HK1: variants seen among roughly 807,000 people sequenced by gnomAD.
HK1 encodes hexokinase 1, also known as hexokinase-1.
In HK1, 28 loss-of-function variants were observed where a neutral mutation model predicts 91.6. The observed-to-expected ratio is 0.31, with a 90% CI of 0.23 to 0.42. HK1 has a LOEUF of 0.42. Ranked by LOEUF, HK1 falls within the 10% of genes least tolerant of loss-of-function variation. HK1 has a pLI of 1.00. For synonymous variants in HK1, 430 were observed against 468.1 expected (o/e 0.92, Z 1.05); for missense variants, 770 against 1,219.8 (o/e 0.63, Z 5.49).
upstream of HK1, chr10:69,318,839 A>C (rs1589474913): frequency 7.3e-7 from 1 of 1,364,970 alleles, no homozygotes. Context: ...GAGCCGGGGG[A>C]GGAGGAGGAG....
At chr10:69,325,207 A>G (rs1313842807) in intron 1 of HK1, among the ~76,000 whole-genome samples, 2 of 140,086 alleles carry the variant, frequency 1.4e-5, no homozygotes, top group South Asian at 4.6e-4. Flanking sequence ...GCCTGCCACC[A>G]CTCCCGTCTA....
At chr10:69,384,531 C>T in intron 11 of HK1, 50 bp downstream of exon 11, 1 of 1,610,716 alleles carries the variant, frequency 6.2e-7, no homozygotes, top group Non-Finnish European at 8.5e-7. Context: ...CGGCCAGTGG[C>T]ACCGGCAGTC....
chr10:69,327,000 CTTT>C (rs1042738695), intron 1 of HK1, among the ~76,000 whole-genome samples: 43 of 110,926 alleles, frequency 3.9e-4, no homozygotes, highest in African/African-American at 1.3e-3. Context: ...TGGTTTTAAA[CTTT>C]TTTTTTTTTT....
chr10:69,286,832 G>A (rs1845054977), intron 2 of HK1, among the ~76,000 whole-genome samples: 1 of 152,168 alleles, frequency 6.6e-6, no homozygotes, highest in Admixed American at 6.5e-5. Flanking sequence ...ACAGGCATGG[G>A]CCACCTCATG....
chr10:69,367,044 C>G (rs1849741230), intron 4 of HK1, among the ~76,000 whole-genome samples: 1 of 152,144 alleles, frequency 6.6e-6, no homozygotes, highest in Non-Finnish European at 1.5e-5. Context: ...AGCCTGTTCC[C>G]CATGAAGGTG....
intron 1 of HK1, among the ~76,000 whole-genome samples, chr10:69,273,459 G>A (rs539927631): frequency 4.6e-5 from 7 of 152,170 alleles, no homozygotes; most frequent in African/African-American, 7.2e-5. Flanking sequence ...ATCATGATCC[G>A]CCCACCTCGG....
chr10:69,329,845 G>A (rs1847607360), intron 1 of HK1, among the ~76,000 whole-genome samples: 1 of 151,698 alleles, frequency 6.6e-6, no homozygotes, highest in African/African-American at 2.4e-5. Flanking sequence ...GCCTGTGCCT[G>A]CTGCCTCACC....
intron 1 of HK1, among the ~76,000 whole-genome samples, chr10:69,337,673 C>T (rs550169203): frequency 4.0e-4 from 61 of 152,328 alleles, no homozygotes; most frequent in Non-Finnish European, 2.2e-4. Context: ...TCAGGGTGCA[C>T]GCCACAATTT....
chr10:69,301,674 T>C (rs2132502133), intron 5 of HK1, among the ~76,000 whole-genome samples: 1 of 152,154 alleles, frequency 6.6e-6, no homozygotes, highest in African/African-American at 2.4e-5. Flanking sequence ...TATAGACTTT[T>C]ACTCTGAAAA....
At chr10:69,330,414 T>C (rs1564517433) in intron 1 of HK1, among the ~76,000 whole-genome samples, 1 of 152,062 alleles carries the variant, frequency 6.6e-6, no homozygotes, top group Non-Finnish European at 1.5e-5. Flanking sequence ...TCCCAGGAAG[T>C]GGAATTCATG....
chr10:69,352,218 C>A (rs564342027), intron 2 of HK1, among the ~76,000 whole-genome samples: 2 of 152,196 alleles, frequency 1.3e-5, no homozygotes, highest in South Asian at 4.1e-4. Flanking sequence ...GTCTCGAACT[C>A]CTGACCTCAA....
intron 5 of HK1, chr10:69,300,966 C>T: frequency 1.5e-6 from 1 of 679,686 alleles, no homozygotes; most frequent in East Asian, 3.2e-5. Context: ...CAATTGTAGC[C>T]AGGCACGGTG....
rs545890255 is a variant in HK1, at chr10:69,399,064, C to T, written c.2609+236C>T. On this transcript the variant is annotated intron_variant, in intron 17 of 17. Coordinates refer to ENST00000359426, the MANE Select transcript of HK1 (RefSeq NM_000188.3). ...TCACTTGGCCAGCTCACACCAGTGG[C>T]ATGATGTGACCCTCACCCCACTCCT... is the stretch of plus-strand genomic sequence containing the variant. 5.9e-5 allele frequency among the ~76,000 whole-genome samples: 9 copies of T among 152,272 alleles called. No homozygotes were observed. In the South Asian group the frequency reaches 1.0e-3, roughly 18 times the overall value.
intron 1 of HK1, among the ~76,000 whole-genome samples, chr10:69,274,031 T>A (rs890593353): frequency 6.6e-6 from 1 of 151,900 alleles, no homozygotes; most frequent in Non-Finnish European, 1.5e-5. Context: ...AGCCATAGAG[T>A]CTGATGTAGA....
Position 69,369,463 on chromosome 10 carries a change from C to T in HK1, c.714C>T (p.Tyr238=). The T allele has an allele frequency of 6.2e-7, 1 of 1,614,200 alleles. No homozygotes were observed. Among genetic ancestry groups the T allele is most frequent in the Non-Finnish European group, 8.5e-7 (1 of 1,180,044 alleles). ...CAGGCACTGGCACCAATGCTTGCTACATGGAGGAACTGAGGCACATTGATC... is the reference window on the plus strand; with the variant it reads ...CAGGCACTGGCACCAATGCTTGCTATATGGAGGAACTGAGGCACATTGATC... ...LIIGTGTNAC[Y]MEELRHIDLV... Residue 238 remains tyrosine (Y), a synonymous_variant, in exon 7 of 18, where the codon TAC becomes TAT. Transcript: ENST00000359426. This position sits in a 1 kb window ranked among gnomAD's most constrained non-coding sequence, Gnocchi z 4.4.
At chr10:69,272,256 A>G (rs1403269792) in intron 1 of HK1, among the ~76,000 whole-genome samples, 1 of 152,238 alleles carries the variant, frequency 6.6e-6, no homozygotes, top group Non-Finnish European at 1.5e-5. Flanking sequence ...AGGAAATGCT[A>G]AATTTCAGTT....
intron 7 of HK1, among the ~76,000 whole-genome samples, chr10:69,371,521 G>A (rs1202418553): frequency 6.6e-6 from 1 of 152,188 alleles, no homozygotes; most frequent in African/African-American, 2.4e-5. Flanking sequence ...CCAAGCACAT[G>A]TGACCCCAAA....
intron 15 of HK1, 53 bp downstream of exon 15, chr10:69,392,361 G>A (rs910540117): frequency 4.4e-6 from 7 of 1,591,396 alleles, no homozygotes; most frequent in African/African-American, 4.0e-5. Context: ...GGCAGCACTT[G>A]GCTGCATTCT....
At chr10:69,318,821 A>G (rs1846814919), upstream of HK1, 2 of 1,422,784 alleles carry the variant, frequency 1.4e-6, no homozygotes, top group South Asian at 1.5e-5. Flanking sequence ...CCCCGGGCCG[A>G]GGGGGAGGAG....
Sources: allele counts gnomAD v4.1 joint callset (sites outside exome capture counted in the v4.1 genomes callset), GRCh38; gene constraint gnomAD v4.1.1; non-coding constraint Gnocchi (gnomAD v3.1); transcripts MANE v1.5; gene names NCBI Gene and HGNC (gene_info 2026-07-23, HGNC 2026-07-21).